The following CCDC88C variants were observed in gnomAD, a reference collection of about 807,000 sequenced individuals.
The protein encoded by CCDC88C is protein Daple.
Under a neutral mutation model 198.8 loss-of-function variants are expected in CCDC88C, and 131 were observed. The observed-to-expected ratio is 0.66, with a 90% CI of 0.57 to 0.76. CCDC88C has a LOEUF of 0.76. CCDC88C is among the 30% of genes least tolerant of loss of function. The pLI, the probability that CCDC88C is intolerant of heterozygous loss-of-function variation, is 0.00. For synonymous variants in CCDC88C, 1,166 were observed against 1,114.7 expected, an observed-to-expected ratio of 1.05 and a Z score of -0.92; for missense variants, 2,553 against 2,631.6, an observed-to-expected ratio of 0.97 and a Z score of 0.65.
chr14:91,322,189 G>A (rs543872687), intron 12 of CCDC88C, among the ~76,000 whole-genome samples: 2 of 152,130 alleles, frequency 1.3e-5, no homozygotes, highest in African/African-American at 4.8e-5. Flanking sequence ...CTAATACAGC[G>A]ATTCCTCCCC....
chr14:91,316,612 G>A (rs1892110521), intron 13 of CCDC88C, among the ~76,000 whole-genome samples: 1 of 152,086 alleles, frequency 6.6e-6, no homozygotes, highest in African/African-American at 2.4e-5. Flanking sequence ...TAGTAGAGAC[G>A]GGATTTCACT....
At chr14:91,347,951 T>C (rs1055931796) in intron 4 of CCDC88C, among the ~76,000 whole-genome samples, 2 of 152,102 alleles carry the variant, frequency 1.3e-5, no homozygotes, top group African/African-American at 4.8e-5. Flanking sequence ...CCAACAACCA[T>C]AGACTGGATA....
intron 20 of CCDC88C, among the ~76,000 whole-genome samples, chr14:91,303,471 T>G (rs1399888607): frequency 2.1e-5 from 2 of 95,982 alleles, no homozygotes; most frequent in African/African-American, 8.5e-5. Context: ...CTCCCCAGGC[T>G]CTGCCTCTCC....
chr14:91,300,263 G>A (rs1192778331), intron 20 of CCDC88C, among the ~76,000 whole-genome samples, 193 bp from the exon 21 acceptor site: 3 of 152,212 alleles, frequency 2.0e-5, no homozygotes, highest in Admixed American at 6.5e-5. Context: ...CAAGGCCAGC[G>A]CCAAGCCCTG....
intron 3 of CCDC88C, among the ~76,000 whole-genome samples, chr14:91,374,908 C>A (rs554947173): frequency 6.6e-6 from 1 of 152,182 alleles, no homozygotes; most frequent in Non-Finnish European, 1.5e-5. Flanking sequence ...GGGCCAAGAT[C>A]GGTCAATGGT....
chr14:91,272,457 G>T lies in CCDC88C; in HGVS notation c.*168C>A. On this transcript the variant is annotated 3_prime_UTR_variant, in exon 30 of 30. Transcript: ENST00000389857. Reference sequence around the variant, plus strand: ...CACACCTGGAAGCGTAATCCTCTTGGGGCTTGGCACAGTGTTTCCATTCAC... The same window carrying T: ...CACACCTGGAAGCGTAATCCTCTTGTGGCTTGGCACAGTGTTTCCATTCAC... 1.5e-6 allele frequency: 1 copy of T among 677,056 alleles called. No homozygotes were observed. The highest frequency in any genetic ancestry group is 2.4e-6 in the Non-Finnish European group (1 of 409,146). 41.9% of individuals were successfully genotyped at this position (677,056 alleles called of 1,614,324 possible).
At chr14:91,280,876 C>T (rs1339381485) in intron 27 of CCDC88C, among the ~76,000 whole-genome samples, 1 of 152,140 alleles carries the variant, frequency 6.6e-6, no homozygotes, top group African/African-American at 2.4e-5. Flanking sequence ...ACTTACCGAG[C>T]CTTTCACAAG....
At chr14:91,295,477 T>C (rs1414952010) in intron 22 of CCDC88C, among the ~76,000 whole-genome samples, 2 of 152,202 alleles carry the variant, frequency 1.3e-5, no homozygotes, top group Non-Finnish European at 2.9e-5. Context: ...AAACTCAGCT[T>C]TGGCCCAACA....
chr14:91,369,125 T>C (rs1285181926), intron 3 of CCDC88C, among the ~76,000 whole-genome samples: 1 of 152,188 alleles, frequency 6.6e-6, no homozygotes, highest in Non-Finnish European at 1.5e-5. Context: ...GCTTCCCTCA[T>C]AGACACCATC....
At chr14:91,280,058 C>G (rs1373153933) in intron 27 of CCDC88C, 4 of 152,314 alleles carry the variant, frequency 2.6e-5, no homozygotes, top group African/African-American at 7.2e-5. Flanking sequence ...CTACAGAGGG[C>G]AGGCCATCCC....
intron 10 of CCDC88C, among the ~76,000 whole-genome samples, chr14:91,326,339 A>G (rs1247391906): frequency 6.6e-6 from 1 of 152,124 alleles, no homozygotes; most frequent in East Asian, 1.9e-4. Flanking sequence ...TAGCCTCCCA[A>G]GTAGCTGCAA....
At chr14:91,283,615 G>GGACCACAGAGACAAAAGCGGGGC in intron 25 of CCDC88C, 98 bp from the exon 26 acceptor site, 2 of 1,174,852 alleles carry the variant, frequency 1.7e-6, no homozygotes, top group Non-Finnish European at 2.4e-6. Flanking sequence ...CAGGGCATGA[G>GGACCACAGAGACAAAAGCGGGGC]GACCACAGAG....
chr14:91,360,236 T>C (rs1052105991), intron 3 of CCDC88C, among the ~76,000 whole-genome samples: 5 of 138,124 alleles, frequency 3.6e-5, no homozygotes, highest in African/African-American at 5.4e-5. Flanking sequence ...CTGGGCAACA[T>C]AGCAAGACCC....
Position 91,289,336 on chromosome 14 carries a change from G to A in CCDC88C, c.4210C>T (p.His1404Tyr). 1 of 1,613,724 alleles carries A rather than the reference G, an allele frequency of 6.2e-7. No homozygotes were observed. Among genetic ancestry groups the A allele is most frequent in the African/African-American group, 1.3e-5 (1 of 75,036 alleles). ...ACTAAGGCTTTGGCTCCAATCCAGT[G>A]GTTCTTCCTGGTTAGAAGTAGATGT... ...FYDPPPKKKNHWIGAKALVKL... is the reference protein window; with the variant it reads ...FYDPPPKKKNYWIGAKALVKL... Residue 1404 changes from histidine (H) to tyrosine (Y), a missense_variant, in exon 25 of 30, where the codon CAC becomes TAC. Around this residue, in one of 2 missense-constraint regions of CCDC88C, gnomAD observed 1,293 missense variants for 1,219.6 expected, o/e 1.06. Transcript: ENST00000389857.
chr14:91,383,104 C>T (rs1260133722), intron 3 of CCDC88C, among the ~76,000 whole-genome samples: 1 of 152,208 alleles, frequency 6.6e-6, no homozygotes, highest in Non-Finnish European at 1.5e-5. Flanking sequence ...CAGCCCAGTG[C>T]CTTCCTGCAT....
rs527935736 is a variant in CCDC88C, at chr14:91,406,481, GACCCTCCAA to G, written c.270+2169_270+2177del. Among the ~76,000 whole-genome samples the G allele has an allele frequency of 1.6e-3, 240 of 152,280 alleles. 1 individual carries two copies. Among genetic ancestry groups the G allele is most frequent in the African/African-American group, 5.6e-3 (234 of 41,562 alleles). On this transcript the variant is annotated intron_variant, in intron 3 of 29. Transcript: ENST00000389857. ...GCCAGCCCTGCCCATTCCCTCCCATGACCCTCCAAACTGGAAACTCAGTTGCCCACTGAA... is the reference window on the plus strand; with the variant it reads ...GCCAGCCCTGCCCATTCCCTCCCATGACTGGAAACTCAGTTGCCCACTGAA...
At chr14:91,344,602 C>T (rs1475551462) in intron 4 of CCDC88C, among the ~76,000 whole-genome samples, 1 of 151,834 alleles carries the variant, frequency 6.6e-6, no homozygotes, top group East Asian at 1.9e-4. Context: ...AGCTCTGCCT[C>T]CTGGGTTCAT....
intron 29 of CCDC88C, among the ~76,000 whole-genome samples, chr14:91,274,421 A>G (rs1242549872): frequency 2.0e-5 from 3 of 152,212 alleles, no homozygotes; most frequent in African/African-American, 7.2e-5. Flanking sequence ...GCAAGGGTCT[A>G]TGGCCCCACT....
In CCDC88C at chr14:91,307,201, C is replaced by A. The variant is rs755160636; in HGVS notation, c.3032G>T (p.Arg1011Met). The A allele has an allele frequency of 6.2e-6, 10 of 1,613,774 alleles. No homozygotes were observed. Among genetic ancestry groups the A allele is most frequent in the African/African-American group, 1.3e-5 (1 of 75,052 alleles). ...GTGCTGCCCCTCTCCCTGGTTCTGC[C>A]TGAGGGTCTCACACTCCTTCTTTAG... The part of the protein sequence containing the change: ...QMLKKECETL[R>M]QNQGEGQHLQ... The change falls in exon 18 of 30, where the codon AGG (arginine) becomes ATG (methionine). Residue 1011 changes from arginine to methionine, a missense_variant. Physicochemically the swap from Arg to Met is moderately conservative, Grantham distance 91 (BLOSUM62 -1). Coordinates refer to ENST00000389857, the MANE Select transcript of CCDC88C (RefSeq NM_001080414.4).
Sources: gnomAD v4.1 joint callset for allele counts (sites outside exome capture counted in the v4.1 genomes callset) on GRCh38, gnomAD v4.1.1 for gene constraint, gnomAD v4.1.1 regional missense constraint, MANE v1.5 for transcripts, NCBI Gene and HGNC (gene_info 2026-07-23, HGNC 2026-07-21) for gene names.